ZNF385D: variants seen among roughly 807,000 people sequenced by gnomAD.
The protein encoded by ZNF385D is zinc finger protein 659.
A neutral mutation model predicts 35.8 loss-of-function variants in ZNF385D; 15 were observed. The observed-to-expected ratio is 0.42, with a 90% CI of 0.28 to 0.64. ZNF385D has a LOEUF of 0.64. Ranked by LOEUF, ZNF385D falls within the 30% of genes least tolerant of loss-of-function variation. The probability of loss-of-function intolerance (pLI) is 0.23; values close to 1 mark genes in which losing one functional copy is unlikely to be tolerated. For missense variants in ZNF385D, 474 were observed against 494.6 expected (o/e 0.96, Z 0.39); for synonymous variants, 212 against 186.8 (o/e 1.13, Z -1.10).
intron 3 of ZNF385D, among the ~76,000 whole-genome samples, chr3:21,767,671 G>C (rs185303552): frequency 4.7e-4 from 71 of 152,014 alleles, no homozygotes; most frequent in African/African-American, 1.6e-3. Context: ...TGGGAAGAGA[G>C]TTAAGGTGGG....
intron 2 of ZNF385D, among the ~76,000 whole-genome samples, chr3:21,637,340 C>A (rs2065478832): frequency 6.6e-6 from 1 of 152,114 alleles, no homozygotes; most frequent in African/African-American, 2.4e-5. Flanking sequence ...TATCCCAGCA[C>A]CATTTGTTGA....
intron 2 of ZNF385D, among the ~76,000 whole-genome samples, chr3:22,172,407 G>C (rs368018557): frequency 6.6e-6 from 1 of 152,128 alleles, no homozygotes; most frequent in Admixed American, 6.5e-5. Context: ...ATGTATGTGA[G>C]TTAATTTGAG....
intron 3 of ZNF385D, among the ~76,000 whole-genome samples, chr3:21,812,003 CA>C (rs1468878910): frequency 6.6e-6 from 1 of 151,578 alleles, no homozygotes; most frequent in Admixed American, 6.6e-5. Context: ...ACATTTTTGC[CA>C]AAAAAATCAA....
chr3:22,253,540 A>G (rs569775487), intron 2 of ZNF385D, among the ~76,000 whole-genome samples: 2 of 152,052 alleles, frequency 1.3e-5, no homozygotes, highest in Admixed American at 1.3e-4. Context: ...ATAAATAAAA[A>G]TTTGCCTAAT....
chr3:21,651,107 G>A lies in ZNF385D; in HGVS notation c.165+13779C>T, dbSNP rs1462133023. On this transcript the variant is annotated intron_variant, in intron 2 of 7. Transcript: ENST00000281523. ...ATCATGGCTAACACGGTGAAACCCC[G>A]TCTCTACTAAAAATACAAAAAAAAA... Among the ~76,000 whole-genome samples, 7 of 123,962 alleles carry A rather than the reference G, an allele frequency of 5.6e-5. 1 individual carries two copies. The South Asian group carries it at 8.8e-4, about 16-fold the overall frequency. The allele number at this position is 123,962 out of a possible 152,430, so 81.3% of individuals were successfully genotyped here.
rs1180609438 is a variant in ZNF385D at position 22,056,274 on chromosome 3, TAAAAAAAAAAAAAAA to T, written c.325+112528_325+112542del. Among the ~76,000 whole-genome samples, 10 of 64,902 alleles carry T rather than the reference TAAAAAAAAAAAAAAA, an allele frequency of 1.5e-4. 1 individual carries two copies. Among genetic ancestry groups the T allele is most frequent in the African/African-American group, 3.7e-4 (6 of 16,362 alleles). 42.6% of individuals were successfully genotyped at this position (64,902 alleles called of 152,430 possible). A position where few individuals can be genotyped will look rare whatever the true frequency, so the allele number is the denominator to read the frequency against. Reference sequence around the variant, plus strand: ...ATGTACCCTAAAACTTAGAGTATAATAAAAAAAAAAAAAAAAAAAAAAAAAAAAAAAAAATTCAAT... The same window carrying T: ...ATGTACCCTAAAACTTAGAGTATAATAAAAAAAAAAAAAAAAAAATTCAAT... On this transcript the variant is annotated intron_variant, in intron 3 of 5. Transcript: ENST00000494108.
chr3:21,808,402 G>A (rs1312200706), intron 3 of ZNF385D, among the ~76,000 whole-genome samples: 1 of 152,094 alleles, frequency 6.6e-6, no homozygotes, highest in Non-Finnish European at 1.5e-5. Flanking sequence ...TCTGTGCTGT[G>A]GCCCCAGAGA....
At chr3:21,946,607 G>A (rs1701798737) in intron 3 of ZNF385D, among the ~76,000 whole-genome samples, 2 of 152,114 alleles carry the variant, frequency 1.3e-5, no homozygotes, top group Admixed American at 6.5e-5. Context: ...TGAGGCAAGT[G>A]GATCACTTGA....
chr3:22,161,087 G>T (rs1705919278), intron 3 of ZNF385D, among the ~76,000 whole-genome samples: 1 of 151,848 alleles, frequency 6.6e-6, no homozygotes, highest in Non-Finnish European at 1.5e-5. Flanking sequence ...TAATGTTAAA[G>T]CTTTTCCATT....
intron 3 of ZNF385D, among the ~76,000 whole-genome samples, chr3:21,758,973 G>A (rs1292790665): frequency 3.4e-5 from 1 of 29,802 alleles, no homozygotes; most frequent in Non-Finnish European, 5.2e-5. Flanking sequence ...CATCATCACT[G>A]GCAAAAAAAA....
chr3:21,468,444 G>A (rs566337367), intron 4 of ZNF385D, among the ~76,000 whole-genome samples: 1 of 146,452 alleles, frequency 6.8e-6, no homozygotes, highest in Non-Finnish European at 1.5e-5. Flanking sequence ...GACATTCAGA[G>A]TATAATTATA....
chr3:21,617,370 T>C (rs1030021648), intron 2 of ZNF385D, among the ~76,000 whole-genome samples: 1 of 152,190 alleles, frequency 6.6e-6, no homozygotes, highest in East Asian at 1.9e-4. Context: ...TGTTATTCAC[T>C]AGCTATGTGA....
rs555522838 is a variant in ZNF385D at position 22,249,435 on chromosome 3, T to G, written c.107-80400A>C. 3.3e-5 allele frequency among the ~76,000 whole-genome samples: 5 copies of G among 152,282 alleles called. No individual in the cohort carries two copies. In the South Asian group the frequency reaches 1.0e-3, roughly 32 times the overall value. ...AATAGCACGAGGGTCTCTTAAGCAT[T>G]CAACTAACATTTTACAACCTCCAGC... On this transcript the variant is annotated intron_variant, in intron 2 of 5. Transcript: ENST00000494108.
chr3:21,710,095 C>T (rs2068044474), intron 1 of ZNF385D, among the ~76,000 whole-genome samples: 2 of 152,072 alleles, frequency 1.3e-5, no homozygotes, highest in African/African-American at 4.8e-5. Context: ...AAAGGTAAAA[C>T]TACAGAAACA....
chr3:22,164,537 C>T lies in ZNF385D; in HGVS notation c.325+4280G>A, dbSNP rs1045232424. ...CCACCATACCCGGCCAAAAGGAACA[C>T]TTTTTAAAGGGAATTGAGAAAGAAA... On this transcript the variant is annotated intron_variant, in intron 3 of 5. Coordinates refer to the ZNF385D transcript ENST00000494108. Among the ~76,000 whole-genome samples, 10 of 150,868 alleles carry T rather than the reference C, an allele frequency of 6.6e-5. No individual in the cohort carries two copies. The South Asian group carries it at 1.3e-3, about 19-fold the overall frequency.
chr3:22,331,165 T>C (rs983264104), intron 2 of ZNF385D, among the ~76,000 whole-genome samples: 1 of 152,206 alleles, frequency 6.6e-6, no homozygotes, highest in African/African-American at 2.4e-5. Context: ...TGACAAATAC[T>C]TCAATTCCTT....
At chr3:22,349,109 C>T (rs957204205) in intron 2 of ZNF385D, among the ~76,000 whole-genome samples, 1 of 152,194 alleles carries the variant, frequency 6.6e-6, no homozygotes, top group Non-Finnish European at 1.5e-5. Flanking sequence ...CTTCTCTATA[C>T]TATACCTCTC....
intron 3 of ZNF385D, among the ~76,000 whole-genome samples, chr3:21,928,153 G>C (rs1319310346): frequency 2.0e-5 from 3 of 152,004 alleles, no homozygotes; most frequent in Middle Eastern, 3.2e-3. Context: ...CACAGTTGTA[G>C]TGTGCTATCT....
At position 21,771,579 on chromosome 3, in the gene ZNF385D, G is replaced by A. The variant is rs137982490; in HGVS notation, c.326-106551C>T. Among the ~76,000 whole-genome samples, 15 of 151,650 alleles carry A rather than the reference G, an allele frequency of 9.9e-5. No homozygotes were observed. The East Asian group carries it at 1.9e-3, about 20-fold the overall frequency. On this transcript the variant is annotated intron_variant, in intron 3 of 5. Transcript: ENST00000494108. ...CAACACAATTACCTTAAAGATGCTC[G>A]AACAGTTGAAGAAAGATGTGAAAAA... is the stretch of plus-strand genomic sequence containing the variant.
Sources: allele counts gnomAD v4.1 joint callset (sites outside exome capture counted in the v4.1 genomes callset), GRCh38; gene constraint gnomAD v4.1.1; transcripts MANE v1.5; gene names NCBI Gene and HGNC (gene_info 2026-07-23, HGNC 2026-07-21).